SPATA12: variants seen among roughly 807,000 people sequenced by gnomAD.
The protein encoded by SPATA12 is spermatogenesis associated 12.
For missense variants in SPATA12, 219 were observed against 226.4 expected, an observed-to-expected ratio of 0.97 and a Z score of 0.21; for synonymous variants, 85 against 89.2, an observed-to-expected ratio of 0.95 and a Z score of 0.26.
chr3:57,075,293 C>T lies in SPATA12; in HGVS notation c.*1026C>T, dbSNP rs1045559998. The T allele has an allele frequency of 6.0e-6, 1 of 167,188 alleles. No homozygotes were observed. Among genetic ancestry groups the T allele is most frequent in the Non-Finnish European group, 1.5e-5 (1 of 68,202 alleles). 10.4% of individuals were successfully genotyped at this position (167,188 alleles called of 1,614,324 possible). A position where few individuals can be genotyped will look rare whatever the true frequency, so the allele number is the denominator to read the frequency against. ...ACTGATCTAGTTGTCTACTGTCCAT[C>T]TCCACCACTGGGATGTAAACTCCAC... is the stretch of plus-strand genomic sequence containing the variant. On this transcript the variant is annotated 3_prime_UTR_variant, in exon 2 of 2. Coordinates refer to ENST00000334325, the MANE Select transcript of SPATA12 (RefSeq NM_181727.2).
intron 1 of SPATA12, among the ~76,000 whole-genome samples, chr3:57,066,451 C>T (rs974417870): frequency 3.3e-5 from 5 of 152,060 alleles, no homozygotes; most frequent in East Asian, 3.9e-4. Context: ...TTAGTAGAGA[C>T]GGGGTTTCAC....
At position 57,074,100 on chromosome 3, in the gene SPATA12, G is replaced by T; in HGVS notation, c.406G>T (p.Asp136Tyr). 1.9e-6 allele frequency: 3 copies of T among 1,613,954 alleles called. No homozygotes were observed. The South Asian group carries it at 3.3e-5, about 18-fold the overall frequency. ...TPQFLGMEDG[D>Y]NERTTGWLWR... ...TCAATTTCTTGGTATGGAAGATGGGGATAATGAGAGGACCACAGGATGGTT... is the reference window on the plus strand; with the variant it reads ...TCAATTTCTTGGTATGGAAGATGGGTATAATGAGAGGACCACAGGATGGTT... Residue 136 changes from aspartate to tyrosine, a missense_variant, in exon 2 of 2, where the codon GAT becomes TAT. Coordinates refer to ENST00000334325, the MANE Select transcript of SPATA12 (RefSeq NM_181727.2).
chr3:57,066,075 C>T (rs1251810992), intron 1 of SPATA12, among the ~76,000 whole-genome samples: 2 of 151,800 alleles, frequency 1.3e-5, no homozygotes, highest in African/African-American at 2.4e-5. Flanking sequence ...AGAAAAAATC[C>T]TTTCAATCAG....
At position 57,066,552 on chromosome 3, in the gene SPATA12, C is replaced by T. The variant is rs575117337; in HGVS notation, c.-330+5766C>T. On this transcript the variant is annotated intron_variant, in intron 1 of 1. Transcript: ENST00000334325. ...TGCTGGGACTATTGGCGTGAGCCAC[C>T]GCGCCCAGGCTTTTGCCTTTTTCCT... Among the ~76,000 whole-genome samples, 5 of 152,338 alleles carry T rather than the reference C, an allele frequency of 3.3e-5. No homozygotes were observed. In the East Asian group the frequency reaches 5.8e-4, roughly 18 times the overall value.
chr3:57,062,462 G>A (rs1355265482), intron 1 of SPATA12, among the ~76,000 whole-genome samples: 1 of 152,200 alleles, frequency 6.6e-6, no homozygotes, highest in Non-Finnish European at 1.5e-5. Context: ...GGCGGGGGCG[G>A]GGGGTGCTCA....
chr3:57,068,170 C>T (rs1193312414), intron 1 of SPATA12, among the ~76,000 whole-genome samples: 12 of 142,362 alleles, frequency 8.4e-5, no homozygotes, highest in Non-Finnish European at 4.8e-5. Flanking sequence ...CACACACATA[C>T]ACACACACAC....
chr3:57,074,199 A>G lies in SPATA12; in HGVS notation c.505A>G (p.Thr169Ala), dbSNP rs141941762. ...GCSRSNQLTF[T>A]EGCFVRSLST... ...CAGCCGTTCAAACCAACTGACATTT[A>G]CTGAGGGCTGCTTTGTCAGGTCCCT... The change falls in exon 2 of 2, where the codon ACT becomes GCT. Residue 169 changes from threonine (T) to alanine (A), a missense_variant. Physicochemically the swap from Thr to Ala is moderately conservative, Grantham distance 58 (BLOSUM62 0). Coordinates refer to ENST00000334325, the MANE Select transcript of SPATA12 (RefSeq NM_181727.2). 2 of 1,613,976 alleles carry G rather than the reference A, an allele frequency of 1.2e-6. No individual in the cohort carries two copies. The highest frequency in any genetic ancestry group is 2.7e-5 in the African/African-American group (2 of 74,872).
intron 1 of SPATA12, among the ~76,000 whole-genome samples, chr3:57,062,454 C>T (rs945318358): frequency 3.9e-5 from 6 of 152,066 alleles, no homozygotes; most frequent in Non-Finnish European, 8.8e-5. Flanking sequence ...AGCACGGCGG[C>T]GGGGGCGGGG....
chr3:57,064,706 G>A (rs1349840176), intron 1 of SPATA12, among the ~76,000 whole-genome samples: 1 of 152,202 alleles, frequency 6.6e-6, no homozygotes, highest in East Asian at 1.9e-4. Flanking sequence ...AATATGGCAT[G>A]ATTCCACTTA....
At chr3:57,061,599 T>C (rs552095448) in intron 1 of SPATA12, among the ~76,000 whole-genome samples, 4 of 152,246 alleles carry the variant, frequency 2.6e-5, no homozygotes, top group South Asian at 4.1e-4. Flanking sequence ...GCTGGGAACA[T>C]GGGAATGCAA....
chr3:57,062,255 G>A (rs183883928), intron 1 of SPATA12, among the ~76,000 whole-genome samples: 25 of 152,322 alleles, frequency 1.6e-4, no homozygotes, highest in African/African-American at 5.3e-4. Flanking sequence ...CTGCTCTAGC[G>A]CTGGGTGAGT....
At chr3:57,065,201 C>A (rs1287033728) in intron 1 of SPATA12, among the ~76,000 whole-genome samples, 3 of 152,216 alleles carry the variant, frequency 2.0e-5, no homozygotes, top group Non-Finnish European at 4.4e-5. Flanking sequence ...ACGCCTCACG[C>A]CTGTAATCCC....
intron 1 of SPATA12, 128 bp downstream of exon 1, chr3:57,060,914 A>G (rs1705190367): frequency 6.6e-6 from 1 of 151,562 alleles, no homozygotes; most frequent in Non-Finnish European, 1.5e-5. Context: ...CATAAGTTCA[A>G]TCTATAAAGA....
At chr3:57,071,489 G>C (rs527855052) in intron 1 of SPATA12, among the ~76,000 whole-genome samples, 2 of 151,810 alleles carry the variant, frequency 1.3e-5, no homozygotes, top group Non-Finnish European at 2.9e-5. Context: ...GTGAAACCCC[G>C]TCTCTACTAA....
Position 57,074,376 on chromosome 3 carries a change from C to T in SPATA12, c.*109C>T, listed in dbSNP as rs1706111128. On this transcript the variant is annotated 3_prime_UTR_variant, in exon 2 of 2. Coordinates refer to ENST00000334325, the MANE Select transcript of SPATA12 (RefSeq NM_181727.2). ...CACCCCCACCAGGGGTGACTCGTAG[C>T]CATCCCTTTCTGCATCTTCTTAGAT... 4.4e-6 allele frequency: 4 copies of T among 919,048 alleles called. No individual in the cohort carries two copies. The highest frequency in any genetic ancestry group is 4.7e-5 in the Admixed American group (2 of 42,934). The allele number at this position is 919,048 out of a possible 1,614,324, so 56.9% of individuals were successfully genotyped here.
rs371364042 is a variant in SPATA12, at chr3:57,060,955, ACT to A, written c.-330+172_-330+173del. Among the ~76,000 whole-genome samples, 870 of 151,970 alleles carry A rather than the reference ACT, an allele frequency of 5.7e-3. 10 individuals are homozygous for A. Among genetic ancestry groups the A allele is most frequent in the African/African-American group, 0.02 (819 of 41,428 alleles). On this transcript the variant is annotated intron_variant, in intron 1 of 1. Transcript: ENST00000334325. ...TCCAGGAGAGTCCAACTCCTCTTAT[ACT>A]CTTTTTTATTGTGGTAAAATATAAT... is the stretch of plus-strand genomic sequence containing the variant.
chr3:57,064,124 T>C (rs558789799), intron 1 of SPATA12, among the ~76,000 whole-genome samples: 4 of 152,002 alleles, frequency 2.6e-5, no homozygotes, highest in African/African-American at 9.6e-5. Flanking sequence ...AAAAAATTAA[T>C]TGGGCATAGT....
At position 57,074,241 on chromosome 3, in the gene SPATA12, A is replaced by C. The variant is rs1560180893; in HGVS notation, c.547A>C (p.Asn183His). The change falls in exon 2 of 2, where the codon AAC becomes CAC. Residue 183 changes from asparagine to histidine, a missense_variant. Asn to His is a moderately conservative substitution (Grantham distance 68). Transcript: ENST00000334325. ...FVRSLSTVYS[N>H]THIHTHL ...CAGGTCCCTCTCTACAGTATACTCC[A>C]ACACACACATACACACACATCTGTA... 6.2e-7 allele frequency: 1 copy of C among 1,613,644 alleles called. No homozygotes were observed. The highest frequency in any genetic ancestry group is 8.5e-7 in the Non-Finnish European group (1 of 1,179,894).
Sources: allele counts gnomAD v4.1 joint callset (sites outside exome capture counted in the v4.1 genomes callset), GRCh38; gene constraint gnomAD v4.1.1; transcripts MANE v1.5; gene names NCBI Gene and HGNC (gene_info 2026-07-23, HGNC 2026-07-21).